SS18: variants seen among roughly 807,000 people sequenced by gnomAD.
SS18 encodes protein SSXT.
In SS18, 28 loss-of-function variants were observed where a neutral mutation model predicts 72.5. The ratio of observed to expected loss-of-function variants is 0.39; its 90% CI spans 0.29 to 0.53. The LOEUF (loss-of-function observed/expected upper bound fraction) is 0.53, where lower values mean the gene tolerates loss of function less well. Ranked by LOEUF, SS18 falls within the 20% of genes least tolerant of loss-of-function variation. The pLI, the probability that SS18 is intolerant of heterozygous loss-of-function variation, is 0.76. For missense variants in SS18, 518 were observed against 535.3 expected (o/e 0.97, Z 0.32); for synonymous variants, 172 against 164.2 (o/e 1.05, Z -0.37).
chr18:26,072,843 A>C (rs576436942), intron 3 of SS18, among the ~76,000 whole-genome samples: 1 of 151,718 alleles, frequency 6.6e-6, no homozygotes, highest in Admixed American at 6.6e-5. Flanking sequence ...GCTAAAAGGA[A>C]AATCAGTCAG....
At chr18:26,043,175 G>A (rs1469809150) in intron 5 of SS18, among the ~76,000 whole-genome samples, 1 of 152,092 alleles carries the variant, frequency 6.6e-6, no homozygotes, top group Non-Finnish European at 1.5e-5. Context: ...ACCCAAAGCT[G>A]TACTGCTACG....
rs544346571 is a variant in SS18 at position 26,077,957 on chromosome 18, A to T, written c.231+119T>A. 2.6e-4 allele frequency: 156 copies of T among 610,192 alleles called. 2 individuals are homozygous for T. The African/African-American group carries it at 2.6e-3, about 10-fold the overall frequency. The allele number at this position is 610,192 out of a possible 1,614,324, so 37.8% of individuals were successfully genotyped here. ...CTTTTAGATAACATAGAATACTTTC[A>T]TGTTCTCAGAGTAAAGCAGGATTTA... On this transcript the variant is annotated intron_variant, in intron 3 of 10. Transcript: ENST00000415083.
At chr18:26,048,302 CAA>C in intron 5 of SS18, among the ~76,000 whole-genome samples, 1 of 152,204 alleles carries the variant, frequency 6.6e-6, no homozygotes, top group Non-Finnish European at 1.5e-5. Flanking sequence ...GACATAGCTA[CAA>C]AGACATTTTT....
chr18:26,029,427 T>C (rs1030507624), intron 10 of SS18, among the ~76,000 whole-genome samples: 1 of 152,116 alleles, frequency 6.6e-6, no homozygotes, highest in African/African-American at 2.4e-5. Flanking sequence ...AAGGAGGATA[T>C]ATTGCAACAG....
intron 5 of SS18, among the ~76,000 whole-genome samples, chr18:26,047,080 T>C (rs2053836368): frequency 6.6e-6 from 1 of 152,114 alleles, no homozygotes; most frequent in African/African-American, 2.4e-5. Flanking sequence ...TGCCTGTATT[T>C]CCATAGGATG....
At chr18:26,079,900 G>A (rs922599812) in intron 2 of SS18, among the ~76,000 whole-genome samples, 8 of 151,482 alleles carry the variant, frequency 5.3e-5, no homozygotes, top group Admixed American at 2.6e-4. Context: ...CATATTCTTT[G>A]CTACTTATTT....
intron 3 of SS18, among the ~76,000 whole-genome samples, chr18:26,059,633 G>T (rs2054084894): frequency 1.3e-5 from 2 of 152,160 alleles, no homozygotes; most frequent in African/African-American, 4.8e-5. Context: ...TACTCCTTAA[G>T]AGTAAGGTCG....
chr18:26,074,013 G>A (rs28808675), intron 3 of SS18, among the ~76,000 whole-genome samples: 8,919 of 152,164 alleles, frequency 0.059, 765 homozygotes, highest in African/African-American at 0.19. Flanking sequence ...AACTTGGAAT[G>A]TGCAAACTTA....
At position 26,090,595 on chromosome 18, in the gene SS18, A is replaced by T; in HGVS notation, c.-26T>A. 1 of 1,561,516 alleles carries T rather than the reference A, an allele frequency of 6.4e-7. No homozygotes were observed. The highest frequency in any genetic ancestry group is 1.4e-5 in the African/African-American group (1 of 73,432). On this transcript the variant is annotated 5_prime_UTR_variant, in exon 1 of 11. In the 5' UTR this introduces an upstream ATG that the reference lacks. Transcript: ENST00000415083. The stretch of plus-strand genomic sequence containing the variant: ...GTTGCCGCCGTCACCACTATCGGCA[A>T]GTCCCGAGCGCTCCGGGTGAACGGC...
intron 3 of SS18, among the ~76,000 whole-genome samples, chr18:26,065,749 T>C (rs372533167): frequency 2.1e-5 from 3 of 140,988 alleles, no homozygotes; most frequent in Admixed American, 1.4e-4. Context: ...CTGCAATATA[T>C]ATAGCCAACA....
At chr18:26,078,199 T>G in intron 2 of SS18, 39 bp from the exon 3 acceptor site, 1 of 1,478,528 alleles carries the variant, frequency 6.8e-7, no homozygotes, top group Non-Finnish European at 9.3e-7. Flanking sequence ...AAAAAATAAT[T>G]TTCTTCCTAC....
intron 10 of SS18, among the ~76,000 whole-genome samples, chr18:26,029,638 A>C (rs2053510185): frequency 6.6e-6 from 1 of 152,206 alleles, no homozygotes; most frequent in Admixed American, 6.5e-5. Context: ...CTGGATAGCA[A>C]GGACCGATGG....
rs550381209 is a variant in SS18 at position 26,027,617 on chromosome 18, A to G, written c.1230+4782T>C. On this transcript the variant is annotated intron_variant, in intron 10 of 10. Coordinates refer to ENST00000415083, the MANE Select transcript of SS18 (RefSeq NM_001007559.3). The stretch of plus-strand genomic sequence containing the variant: ...AACCCGGAAGGCGGTGGTTGCAGTG[A>G]GCTGAGATCGCGCCACTGCACACCA... Among the ~76,000 whole-genome samples the G allele has an allele frequency of 3.8e-5, 5 of 132,978 alleles. No individual in the cohort carries two copies. The South Asian group carries it at 1.3e-3, about 35-fold the overall frequency. The allele number at this position is 132,978 out of a possible 152,430, so 87.2% of individuals were successfully genotyped here. A position where few individuals can be genotyped will look rare whatever the true frequency, so the allele number is the denominator to read the frequency against.
At chr18:26,075,396 T>A (rs2054393812) in intron 3 of SS18, among the ~76,000 whole-genome samples, 1 of 151,920 alleles carries the variant, frequency 6.6e-6, no homozygotes, top group South Asian at 2.1e-4. Flanking sequence ...AACAAGTAGG[T>A]TAATTACAAG....
At chr18:26,057,427 A>C (rs1356850477) in intron 4 of SS18, among the ~76,000 whole-genome samples, 162 bp downstream of exon 4, 4 of 152,274 alleles carry the variant, frequency 2.6e-5, no homozygotes, top group South Asian at 4.1e-4. Flanking sequence ...TAAACACTGA[A>C]TACAGGTCAC....
At chr18:26,031,070 T>C (rs1036182129) in intron 10 of SS18, among the ~76,000 whole-genome samples, 1 of 152,186 alleles carries the variant, frequency 6.6e-6, no homozygotes, top group Non-Finnish European at 1.5e-5. Context: ...ATGGAATACA[T>C]GGACAGAATC....
intron 3 of SS18, among the ~76,000 whole-genome samples, chr18:26,065,763 G>A: frequency 9.7e-6 from 1 of 102,738 alleles, no homozygotes; most frequent in African/African-American, 3.4e-5. Flanking sequence ...GCCAACAAAA[G>A]ACTTGTTCCA....
intron 3 of SS18, among the ~76,000 whole-genome samples, chr18:26,067,703 A>T (rs748747288): frequency 1.3e-5 from 2 of 152,218 alleles, no homozygotes; most frequent in African/African-American, 4.8e-5. Flanking sequence ...GGTAAAGACG[A>T]CGAGCTGCGC....
chr18:26,038,549 G>T lies in SS18; in HGVS notation c.880+6C>A. The stretch of plus-strand genomic sequence containing the variant: ...AAATGGGAAAGTTAACATCAGGAGA[G>T]ATTACCATCAGGGTAATATTGCTGG... On this transcript the variant is annotated splice_donor_region_variant and intron_variant, in intron 7 of 10. Transcript: ENST00000415083. 1 of 1,602,580 alleles carries T rather than the reference G, an allele frequency of 6.2e-7. No individual in the cohort carries two copies. Among genetic ancestry groups the T allele is most frequent in the South Asian group, 1.1e-5 (1 of 90,816 alleles).
Sources: allele counts gnomAD v4.1 joint callset (sites outside exome capture counted in the v4.1 genomes callset), GRCh38; gene constraint gnomAD v4.1.1; transcripts MANE v1.5; gene names NCBI Gene and HGNC (gene_info 2026-07-23, HGNC 2026-07-21).